DPP6: variants seen among roughly 807,000 people sequenced by gnomAD.
DPP6 encodes the protein dipeptidyl peptidase like 6, also known as A-type potassium channel modulatory protein DPP6.
In DPP6, 69 loss-of-function variants were observed where a neutral mutation model predicts 122.6. The observed-to-expected ratio is 0.56, with a 90% CI of 0.46 to 0.69. DPP6 has a LOEUF of 0.69. Ranked by LOEUF, DPP6 falls within the 30% of genes least tolerant of loss-of-function variation. DPP6 has a pLI of 0.00. For synonymous variants in DPP6, 418 were observed against 433.1 expected (o/e 0.97, Z 0.43); for missense variants, 928 against 1,116.9 (o/e 0.83, Z 2.41).
chr7:154,451,453 T>C (rs1315221747), intron 2 of DPP6, among the ~76,000 whole-genome samples: 1 of 151,144 alleles, frequency 6.6e-6, no homozygotes, highest in Non-Finnish European at 1.5e-5. Context: ...GAGAACCAGG[T>C]CCTGGGACCC....
intron 1 of DPP6, among the ~76,000 whole-genome samples, chr7:154,085,998 T>A (rs1401577481): frequency 2.0e-5 from 3 of 151,836 alleles, no homozygotes; most frequent in Non-Finnish European, 2.9e-5. Context: ...AGTGCTGAGA[T>A]TACAGGCGTG....
intron 3 of DPP6, among the ~76,000 whole-genome samples, chr7:154,531,296 C>T (rs1907616): frequency 0.42 from 63,244 of 151,970 alleles, 13,655 homozygotes; most frequent in African/African-American, 0.51. Flanking sequence ...AAATAATACG[C>T]TCTGGGAAAT....
chr7:153,757,125 G>C, the DPP6 span, among the ~76,000 whole-genome samples: 1 of 152,176 alleles, frequency 6.6e-6, no homozygotes, highest in Non-Finnish European at 1.5e-5. Flanking sequence ...AGTCAAAAGA[G>C]ATGGAGGAAG....
chr7:154,336,395 G>A (rs1258352560), intron 1 of DPP6, among the ~76,000 whole-genome samples: 2 of 152,254 alleles, frequency 1.3e-5, no homozygotes, highest in East Asian at 3.9e-4. Flanking sequence ...TCAGTGACTA[G>A]CATGAGAGGA....
chr7:154,147,376 T>C (rs1417115145), intron 1 of DPP6, among the ~76,000 whole-genome samples: 1 of 152,208 alleles, frequency 6.6e-6, no homozygotes, highest in Non-Finnish European at 1.5e-5. Flanking sequence ...CAATGGAATC[T>C]ATCAAACTGT....
chr7:154,062,205 G>T lies in DPP6; in HGVS notation c.243+9142G>T, dbSNP rs1198257766. 4.2e-4 allele frequency among the ~76,000 whole-genome samples: 43 copies of T among 101,776 alleles called. 14 individuals carry two copies. Among genetic ancestry groups the T allele is most frequent in the Admixed American group, 2.3e-3 (23 of 10,126 alleles). 66.8% of individuals were successfully genotyped at this position (101,776 alleles called of 152,430 possible). On this transcript the variant is annotated intron_variant, in intron 1 of 25. Coordinates refer to ENST00000377770, the MANE Select transcript of DPP6 (RefSeq NM_130797.4). ...TAAGATCCTTAGGACCCACCTGGAG[G>T]ACTGCGGGTGTTAGGTGTCCAAGTA...
chr7:154,653,534 TGATAGATAGA>T (rs1244898500), intron 6 of DPP6, among the ~76,000 whole-genome samples: 5 of 151,816 alleles, frequency 3.3e-5, no homozygotes, highest in African/African-American at 9.6e-5. Context: ...GATAGATAAA[TGATAGATAGA>T]TATAGATAGA....
chr7:154,560,190 T>G (rs1043218871), intron 4 of DPP6, among the ~76,000 whole-genome samples: 2 of 152,042 alleles, frequency 1.3e-5, no homozygotes, highest in Non-Finnish European at 2.9e-5. Context: ...GTGGAAATTT[T>G]TGTAGAATTA....
intron 4 of DPP6, among the ~76,000 whole-genome samples, chr7:154,559,927 G>GATATATATATAAAGAT (rs1554585999): frequency 6.3e-5 from 9 of 143,944 alleles, no homozygotes; most frequent in African/African-American, 2.3e-4. Flanking sequence ...AATATATATA[G>GATATATATATAAAGAT]ATATATATAT....
chr7:154,800,554 T>C (rs1798298680), intron 12 of DPP6, among the ~76,000 whole-genome samples: 1 of 152,248 alleles, frequency 6.6e-6, no homozygotes, highest in East Asian at 1.9e-4. Flanking sequence ...CTGAGGCCGC[T>C]GGCTGTTCAC....
At chr7:154,551,084 G>A (rs1454896468) in intron 4 of DPP6, among the ~76,000 whole-genome samples, 2 of 152,088 alleles carry the variant, frequency 1.3e-5, no homozygotes, top group East Asian at 1.9e-4. Flanking sequence ...CAAAAGTTTG[G>A]GTAAAGCAGT....
At chr7:154,728,259 C>T (rs566512400) in intron 8 of DPP6, among the ~76,000 whole-genome samples, 3 of 152,202 alleles carry the variant, frequency 2.0e-5, no homozygotes, top group Non-Finnish European at 4.4e-5. Flanking sequence ...GTCTCTACCC[C>T]ACTCCAAGAC....
the DPP6 span, among the ~76,000 whole-genome samples, chr7:153,853,687 G>A: frequency 6.6e-6 from 1 of 152,192 alleles, no homozygotes; most frequent in South Asian, 2.1e-4. Context: ...CTGGATCTAT[G>A]GGTCTCAGTG....
intron 10 of DPP6, among the ~76,000 whole-genome samples, chr7:154,789,749 C>T (rs985844301): frequency 6.6e-6 from 1 of 152,200 alleles, no homozygotes; most frequent in Non-Finnish European, 1.5e-5. Flanking sequence ...GACTACAAAC[C>T]TTATAGAGCA....
chr7:153,839,523 A>T, the DPP6 span, among the ~76,000 whole-genome samples: 7 of 152,258 alleles, frequency 4.6e-5, no homozygotes, highest in African/African-American at 1.7e-4. Context: ...CAGGCTGACT[A>T]GTCCAACCTC....
intron 5 of DPP6, among the ~76,000 whole-genome samples, chr7:154,570,510 A>G (rs1831040590): frequency 6.6e-6 from 1 of 150,468 alleles, no homozygotes; most frequent in African/African-American, 2.5e-5. Flanking sequence ...TGGTGTGTGT[A>G]TATTCTCTCC....
chr7:154,009,629 T>C (rs1411915304), intron 1 of DPP6, among the ~76,000 whole-genome samples: 1 of 151,892 alleles, frequency 6.6e-6, no homozygotes, highest in African/African-American at 2.4e-5. Context: ...CATTCAGTAA[T>C]TAGATACCAG....
At chr7:154,452,951 G>A (rs1445918742) in intron 2 of DPP6, among the ~76,000 whole-genome samples, 1 of 152,196 alleles carries the variant, frequency 6.6e-6, no homozygotes, top group Non-Finnish European at 1.5e-5. Flanking sequence ...GCTGGTCCAT[G>A]CTCTTTTCTA....
intron 1 of DPP6, among the ~76,000 whole-genome samples, chr7:154,008,807 G>A (rs1159736439): frequency 2.0e-5 from 3 of 150,118 alleles, no homozygotes; most frequent in Non-Finnish European, 3.0e-5. Flanking sequence ...GACTACAGGC[G>A]CCCGCCACTA....
Sources: gnomAD v4.1 joint callset for allele counts (sites outside exome capture counted in the v4.1 genomes callset) on GRCh38, gnomAD v4.1.1 for gene constraint, MANE v1.5 for transcripts, NCBI Gene and HGNC (gene_info 2026-07-23, HGNC 2026-07-21) for gene names.